Variants in C12orf50 observed in about 807,000 individuals in gnomAD.
C12orf50 encodes zinc finger CCCH-type containing 11D, also known as uncharacterized protein C12orf50.
C12orf50 carries 35 observed loss-of-function variants against 61.6 expected under a neutral mutation model. The ratio of observed to expected loss-of-function variants is 0.57; its 90% confidence interval spans 0.43 to 0.75. The LOEUF (loss-of-function observed/expected upper bound fraction) is 0.75, where lower values mean the gene tolerates loss of function less well. C12orf50 is among the 30% of genes least tolerant of loss of function. The pLI is 0.00. For missense variants in C12orf50, 475 were observed against 488.5 expected (o/e 0.97, Z 0.26); for synonymous variants, 178 against 161.5 (o/e 1.10, Z -0.77).
intron 7 of C12orf50, among the ~76,000 whole-genome samples, chr12:87,993,669 G>A (rs1225731996): frequency 6.6e-6 from 1 of 152,040 alleles, no homozygotes; most frequent in African/African-American, 2.4e-5. Flanking sequence ...GGTACTTACT[G>A]ATACCTGCTC....
At chr12:87,983,357 C>T (rs1043544159) in intron 11 of C12orf50, 162 bp from the exon 12 acceptor site, 2 of 432,364 alleles carry the variant, frequency 4.6e-6, no homozygotes, top group South Asian at 4.7e-5. Flanking sequence ...TTTATTAAGA[C>T]CATTTAAGTT....
chr12:88,023,145 G>T (rs774165403), intron 3 of C12orf50, among the ~76,000 whole-genome samples: 12 of 151,882 alleles, frequency 7.9e-5, no homozygotes, highest in Non-Finnish European at 1.5e-4. Context: ...CATGATACTG[G>T]CACAAAAAAA....
At chr12:88,020,578 A>G (rs1485403004) in intron 3 of C12orf50, among the ~76,000 whole-genome samples, 1 of 152,136 alleles carries the variant, frequency 6.6e-6, no homozygotes, top group East Asian at 1.9e-4. Flanking sequence ...AGATTCCCAT[A>G]CCATAATAGT....
chr12:87,985,896 G>C lies in C12orf50; in HGVS notation c.1080C>G (p.Tyr360Ter), dbSNP rs1303665413. The C allele has an allele frequency of 1.9e-6, 3 of 1,613,628 alleles. No homozygotes were observed. The highest frequency in any genetic ancestry group is 1.7e-5 in the Admixed American group (1 of 59,968). ...PSRSRPTHGS[Y>*]NKVHANREPK... is the part of the protein sequence containing the mutation. The stretch of plus-strand genomic sequence containing the variant: ...GTTCCCTGTTAGCATGGACTTTATT[G>C]TAGGACCCATGCGTGGGCCTGCTGC... Residue 360 changes from tyrosine to a stop codon, truncating the protein, a stop_gained, in exon 11 of 13, where the codon TAC becomes TAG. Coordinates refer to ENST00000298699, the MANE Select transcript of C12orf50 (RefSeq NM_152589.3). LOFTEE classifies it high-confidence loss of function.
At chr12:87,997,440 T>C (rs926722996) in intron 4 of C12orf50, among the ~76,000 whole-genome samples, 1 of 152,128 alleles carries the variant, frequency 6.6e-6, no homozygotes, top group Non-Finnish European at 1.5e-5. Context: ...TACTTTAAGT[T>C]CTGGGATACA....
chr12:88,025,140 T>C (rs2032654565), intron 3 of C12orf50, among the ~76,000 whole-genome samples: 4 of 152,144 alleles, frequency 2.6e-5, no homozygotes, highest in South Asian at 4.1e-4. Flanking sequence ...CTGATAGAAA[T>C]GATTCAGTAA....
At chr12:88,017,056 C>G (rs4551847) in intron 3 of C12orf50, among the ~76,000 whole-genome samples, 1 of 152,126 alleles carries the variant, frequency 6.6e-6, no homozygotes, top group Non-Finnish European at 1.5e-5. Context: ...CAGGAACATG[C>G]TAATATGCAC....
At chr12:88,008,259 CTA>C (rs1291214045) in intron 3 of C12orf50, among the ~76,000 whole-genome samples, 1 of 152,132 alleles carries the variant, frequency 6.6e-6, no homozygotes, top group Non-Finnish European at 1.5e-5. Context: ...TTGTTCTCCT[CTA>C]TGTGTCCATT....
intron 3 of C12orf50, among the ~76,000 whole-genome samples, chr12:88,004,743 G>A (rs1244048373): frequency 6.6e-6 from 1 of 152,094 alleles, no homozygotes; most frequent in African/African-American, 2.4e-5. Context: ...AACATGAACG[G>A]AGCTGGAGGC....
chr12:88,018,887 C>T lies in C12orf50; in HGVS notation c.133+7601G>A, dbSNP rs375815283. On this transcript the variant is annotated intron_variant, in intron 3 of 12. Transcript: ENST00000298699. The stretch of plus-strand genomic sequence containing the variant: ...CTGTACCTACCCAATGCCTGTAACC[C>T]CATTGTATGTAGGAAGTAACTAACT... Among the ~76,000 whole-genome samples, 3 of 152,300 alleles carry T rather than the reference C, an allele frequency of 2.0e-5. No homozygotes were observed. The East Asian group carries it at 5.8e-4, about 29-fold the overall frequency.
Position 87,994,677 on chromosome 12 carries a change from A to T in C12orf50, c.548T>A (p.Leu183Ter). ...YERQGEIKTS[L>*]HGKPKTDIAA... The stretch of plus-strand genomic sequence containing the variant: ...AATGTCAGTCTTTGGTTTCCCATGC[A>T]ATGATGTTTTTATTTCACCTTGCCT... The change falls in exon 7 of 13, where the codon TTG becomes TAG. Residue 183 changes from leucine (L) to a stop codon, truncating the protein, a stop_gained. Coordinates refer to ENST00000298699, the MANE Select transcript of C12orf50 (RefSeq NM_152589.3). LOFTEE classifies it high-confidence loss of function. The T allele has an allele frequency of 6.2e-7, 1 of 1,613,416 alleles. No individual in the cohort carries two copies. The highest frequency in any genetic ancestry group is 8.5e-7 in the Non-Finnish European group (1 of 1,179,578).
At chr12:88,005,869 T>C (rs2031844278) in intron 3 of C12orf50, among the ~76,000 whole-genome samples, 1 of 150,410 alleles carries the variant, frequency 6.6e-6, no homozygotes, top group Non-Finnish European at 1.5e-5. Context: ...TCAGAAGTAG[T>C]AGACTAAAGA....
intron 3 of C12orf50, among the ~76,000 whole-genome samples, chr12:88,006,971 G>T (rs2031911230): frequency 6.6e-6 from 1 of 152,138 alleles, no homozygotes; most frequent in South Asian, 2.1e-4. Context: ...GATTTCATTT[G>T]CTGTATGCCC....
intron 12 of C12orf50, among the ~76,000 whole-genome samples, chr12:87,981,376 G>A (rs967056580): frequency 1.3e-5 from 2 of 152,106 alleles, no homozygotes; most frequent in Admixed American, 1.3e-4. Flanking sequence ...TGGTGGCCTA[G>A]ATACCCAGTC....
chr12:88,020,497 A>C (rs2032475903), intron 3 of C12orf50, among the ~76,000 whole-genome samples: 1 of 152,188 alleles, frequency 6.6e-6, no homozygotes, highest in South Asian at 2.1e-4. Flanking sequence ...TACTATCCTA[A>C]ATATATACAC....
chr12:88,010,694 C>T (rs941579302), intron 3 of C12orf50, among the ~76,000 whole-genome samples: 8 of 151,650 alleles, frequency 5.3e-5, no homozygotes, highest in African/African-American at 1.9e-4. Flanking sequence ...GCTCATCACA[C>T]CTTTCTATTT....
chr12:88,001,695 C>A (rs1035575238), intron 3 of C12orf50, among the ~76,000 whole-genome samples: 1 of 151,218 alleles, frequency 6.6e-6, no homozygotes, highest in South Asian at 2.1e-4. Flanking sequence ...CAATTTTTTT[C>A]TTTTTTTCTA....
At chr12:87,984,234 G>T (rs1237197591) in intron 11 of C12orf50, 3 of 152,098 alleles carry the variant, frequency 2.0e-5, no homozygotes, top group Non-Finnish European at 4.4e-5. Flanking sequence ...TTTTGATGGG[G>T]TTGTTTGTTT....
chr12:88,028,301 C>G (rs1188721864), intron 1 of C12orf50, among the ~76,000 whole-genome samples: 1 of 152,038 alleles, frequency 6.6e-6, no homozygotes, highest in Non-Finnish European at 1.5e-5. Flanking sequence ...GAAGTGAATC[C>G]AATTTCTGTG....
Sources: allele counts gnomAD v4.1 joint callset (sites outside exome capture counted in the v4.1 genomes callset), GRCh38; gene constraint gnomAD v4.1.1; transcripts MANE v1.5; gene names NCBI Gene and HGNC (gene_info 2026-07-23, HGNC 2026-07-21).